NKAIN3: variants seen among roughly 807,000 people sequenced by gnomAD.
NKAIN3 encodes the protein sodium/potassium transporting ATPase interacting 3, also known as sodium/potassium-transporting ATPase subunit beta-1-interacting protein 3.
NKAIN3 carries 25 observed loss-of-function variants against 30.2 expected under a neutral mutation model. The observed-to-expected ratio is 0.83, with a 90% CI of 0.60 to 1.16. NKAIN3 has a LOEUF of 1.16. Ranked by LOEUF, NKAIN3 falls within the 50% of genes most tolerant of loss-of-function variation. The pLI is 0.00. For synonymous variants in NKAIN3, 91 were observed against 89.6 expected, an observed-to-expected ratio of 1.02 and a Z score of -0.09; for missense variants, 225 against 254.1, an observed-to-expected ratio of 0.89 and a Z score of 0.78.
chr8:62,410,058 G>A (rs557078804), intron 1 of NKAIN3, among the ~76,000 whole-genome samples: 1 of 152,212 alleles, frequency 6.6e-6, no homozygotes, highest in Non-Finnish European at 1.5e-5. Flanking sequence ...CTCAGGTAGT[G>A]AGCATAGTAC....
rs1473772971 is a variant in NKAIN3, at chr8:62,967,124, A to AGG, written c.*1719_*1720dup. ...CAAATTCAAATAAAGAAAAGCTGGC[A>AGG]GGGACCTTGAAGATGGTGGAATCCA... On this transcript the variant is annotated 3_prime_UTR_variant, in exon 7 of 7. Transcript: ENST00000623646. 1.3e-5 allele frequency among the ~76,000 whole-genome samples: 2 copies of AGG among 152,200 alleles called. No individual in the cohort carries two copies. The highest frequency in any genetic ancestry group is 2.9e-5 in the Non-Finnish European group (2 of 68,032).
At chr8:62,362,569 A>T (rs1408239606) in intron 1 of NKAIN3, among the ~76,000 whole-genome samples, 1 of 152,224 alleles carries the variant, frequency 6.6e-6, no homozygotes, top group Non-Finnish European at 1.5e-5. Flanking sequence ...ACCCAAGAGA[A>T]ACTGCACAGT....
intron 3 of NKAIN3, among the ~76,000 whole-genome samples, chr8:62,639,326 T>C (rs1360225688): frequency 1.3e-5 from 2 of 152,026 alleles, no homozygotes; most frequent in East Asian, 3.9e-4. Flanking sequence ...TACTAGAAGT[T>C]CCAATGAGAT....
chr8:62,838,151 GTA>G (rs201397119), intron 4 of NKAIN3, among the ~76,000 whole-genome samples: 1 of 150,656 alleles, frequency 6.6e-6, no homozygotes, highest in African/African-American at 2.4e-5. Flanking sequence ...GTGTGTGTGT[GTA>G]TATAAAATGA....
chr8:62,588,082 A>G (rs1810534451), intron 2 of NKAIN3, among the ~76,000 whole-genome samples: 1 of 151,768 alleles, frequency 6.6e-6, no homozygotes, highest in Non-Finnish European at 1.5e-5. Flanking sequence ...TTCTTTTCCT[A>G]ATCTTTTTCA....
At chr8:62,592,415 C>T (rs1365460443) in intron 3 of NKAIN3, among the ~76,000 whole-genome samples, 2 of 151,972 alleles carry the variant, frequency 1.3e-5, no homozygotes, top group African/African-American at 2.4e-5. Flanking sequence ...GTTTAGGATC[C>T]TCATTAACAT....
chr8:62,669,318 A>G (rs985452374), intron 3 of NKAIN3, among the ~76,000 whole-genome samples: 1 of 151,896 alleles, frequency 6.6e-6, no homozygotes, highest in African/African-American at 2.4e-5. Context: ...TTCCTCTTTT[A>G]CCTTCACAGG....
At chr8:62,989,345 C>A (rs765658928), downstream of NKAIN3, among the ~76,000 whole-genome samples, 4 of 152,038 alleles carry the variant, frequency 2.6e-5, no homozygotes, top group Non-Finnish European at 5.9e-5. Context: ...TAAAAAATAC[C>A]AGGTTTAATG....
chr8:62,911,017 C>T (rs557827923), intron 4 of NKAIN3, among the ~76,000 whole-genome samples: 7 of 152,154 alleles, frequency 4.6e-5, no homozygotes, highest in African/African-American at 1.4e-4. Context: ...CACCAAAATA[C>T]GTATTTCCTG....
chr8:62,970,818 C>T lies in NKAIN3; in HGVS notation c.*5411C>T. 6.6e-6 allele frequency among the ~76,000 whole-genome samples: 1 copy of T among 152,148 alleles called. No homozygotes were observed. Among genetic ancestry groups the T allele is most frequent in the East Asian group, 1.9e-4 (1 of 5,198 alleles). ...CATTTTCCATGTAAGGCATGTTTTT[C>T]CTTTCCTCTTCAGAGTTATTTAGAA... On this transcript the variant is annotated 3_prime_UTR_variant, in exon 7 of 7. Coordinates refer to ENST00000623646, the MANE Select transcript of NKAIN3 (RefSeq NM_001304533.3).
At chr8:62,605,442 A>G (rs1030237735) in intron 3 of NKAIN3, among the ~76,000 whole-genome samples, 4 of 151,814 alleles carry the variant, frequency 2.6e-5, no homozygotes, top group African/African-American at 9.7e-5. Context: ...TCTATAGTCT[A>G]TTTTATCTAG....
intron 5 of NKAIN3, among the ~76,000 whole-genome samples, chr8:62,994,137 C>T (rs1426546179): frequency 6.6e-6 from 1 of 152,148 alleles, no homozygotes; most frequent in Non-Finnish European, 1.5e-5. Context: ...CAGATATACC[C>T]ACATATGTGT....
At chr8:62,660,347 GC>G (rs1252417843) in intron 3 of NKAIN3, among the ~76,000 whole-genome samples, 1 of 152,194 alleles carries the variant, frequency 6.6e-6, no homozygotes, top group Non-Finnish European at 1.5e-5. Flanking sequence ...AGAGGGAAAT[GC>G]CAAAGTGTAC....
At chr8:62,814,111 T>G (rs1818586449) in intron 4 of NKAIN3, among the ~76,000 whole-genome samples, 2 of 152,068 alleles carry the variant, frequency 1.3e-5, no homozygotes, top group African/African-American at 2.4e-5. Context: ...TATATTGTGA[T>G]TCTGAGAGAA....
At chr8:62,554,119 T>A (rs1456108523) in intron 1 of NKAIN3, among the ~76,000 whole-genome samples, 2 of 152,200 alleles carry the variant, frequency 1.3e-5, no homozygotes, top group African/African-American at 2.4e-5. Context: ...TAGAGGGACA[T>A]GTAATAGAGG....
At chr8:62,299,260 C>T (rs1280575622) in intron 1 of NKAIN3, among the ~76,000 whole-genome samples, 1 of 152,102 alleles carries the variant, frequency 6.6e-6, no homozygotes, top group South Asian at 2.1e-4. Context: ...AAAACCTCCT[C>T]TCCCCCACAC....
intron 4 of NKAIN3, among the ~76,000 whole-genome samples, chr8:62,892,956 A>G (rs192000048): frequency 2.0e-5 from 3 of 152,296 alleles, no homozygotes; most frequent in Non-Finnish European, 4.4e-5. Context: ...CTTTAACTCA[A>G]TAGGCTTTAT....
chr8:62,433,335 G>T (rs900401353), intron 1 of NKAIN3, among the ~76,000 whole-genome samples: 15 of 151,854 alleles, frequency 9.9e-5, no homozygotes, highest in Non-Finnish European at 1.9e-4. Context: ...CACAGAATTT[G>T]GTTAAGAAAG....
intron 1 of NKAIN3, among the ~76,000 whole-genome samples, chr8:62,352,339 A>G (rs998760698): frequency 6.6e-6 from 1 of 151,800 alleles, no homozygotes; most frequent in African/African-American, 2.4e-5. Context: ...AGAAGTGACA[A>G]CTCTCTTCTG....
Sources: allele counts gnomAD v4.1 joint callset (sites outside exome capture counted in the v4.1 genomes callset), GRCh38; gene constraint gnomAD v4.1.1; transcripts MANE v1.5; gene names NCBI Gene and HGNC (gene_info 2026-07-23, HGNC 2026-07-21).